ASPSCR1: variants seen among roughly 807,000 people sequenced by gnomAD.
The protein encoded by ASPSCR1 is ASPSCR1 tether for SLC2A4, UBX domain containing, also known as tether containing UBX domain for GLUT4.
In ASPSCR1, 55 loss-of-function variants were observed where a neutral mutation model predicts 68.9. That is an observed-to-expected ratio of 0.80 (90% CI 0.64 to 1.00). The LOEUF is 1.00. Among genes scored for constraint, ASPSCR1 ranks in the 50% least tolerant of loss-of-function variants. The pLI is 0.00. For synonymous variants in ASPSCR1, 352 were observed against 332.6 expected (o/e 1.06, Z -0.63); for missense variants, 765 against 762.2 (o/e 1.00, Z -0.04).
intron 3 of ASPSCR1, among the ~76,000 whole-genome samples, chr17:81,984,840 C>A (rs2041916481): frequency 7.0e-6 from 1 of 142,764 alleles, no homozygotes. Flanking sequence ...CCCACACACC[C>A]CTGCACACAC....
intron 5 of ASPSCR1, chr17:81,995,105 C>T: frequency 1.9e-6 from 1 of 539,080 alleles, no homozygotes; most frequent in Non-Finnish European, 3.3e-6. Flanking sequence ...TCTCAAAGCC[C>T]AAGAGTCACA....
In ASPSCR1 at chr17:81,990,194, A is replaced by G. The variant is rs1358388918; in HGVS notation, c.374+4587A>G. On this transcript the variant is annotated intron_variant, in intron 4 of 15. Coordinates refer to ENST00000306739, the MANE Select transcript of ASPSCR1 (RefSeq NM_024083.4). The surrounding 1 kb of genome is among the most constrained non-coding windows in gnomAD (Gnocchi z 4.1). ...AATACGACTTCCTGGACACGTAGTC[A>G]GTAGAAAAGTGAGCCGTCTCATGCT... Among the ~76,000 whole-genome samples, 2 of 152,232 alleles carry G rather than the reference A, an allele frequency of 1.3e-5. No individual in the cohort carries two copies. The highest frequency in any genetic ancestry group is 4.8e-5 in the African/African-American group (2 of 41,460).
At chr17:82,001,381 C>G (rs1181785590) in intron 7 of ASPSCR1, among the ~76,000 whole-genome samples, 1 of 152,178 alleles carries the variant, frequency 6.6e-6, no homozygotes, top group Non-Finnish European at 1.5e-5. Context: ...CAGGGTGGCC[C>G]AGGTCCCTGC....
Position 81,979,162 on chromosome 17 carries a change from C to T in ASPSCR1, c.103-22C>T, listed in dbSNP as rs1280193889. ...CAGCCCTGCACACTCAGCAGTTCACCATCCTTTCATCTCACCCCCAGGTTC... is the reference window on the plus strand; with the variant it reads ...CAGCCCTGCACACTCAGCAGTTCACTATCCTTTCATCTCACCCCCAGGTTC... On this transcript the variant is annotated intron_variant, in intron 1 of 15. Coordinates refer to ENST00000306739, the MANE Select transcript of ASPSCR1 (RefSeq NM_024083.4). The T allele has an allele frequency of 8.1e-6, 13 of 1,613,642 alleles. No homozygotes were observed. In the Admixed American group the frequency reaches 1.8e-4, roughly 23 times the overall value.
intron 3 of ASPSCR1, among the ~76,000 whole-genome samples, chr17:81,984,896 C>CA (rs2041923046): frequency 5.1e-5 from 6 of 116,714 alleles, no homozygotes; most frequent in African/African-American, 2.0e-4. Context: ...CCCACACACA[C>CA]CCACACACAC....
Position 81,996,732 on chromosome 17 carries a change from C to G in ASPSCR1, c.819C>G (p.Leu273=). 7 of 1,613,546 alleles carry G rather than the reference C, an allele frequency of 4.3e-6. No individual in the cohort carries two copies. Among genetic ancestry groups the G allele is most frequent in the African/African-American group, 1.3e-5 (1 of 75,068 alleles). ...TSSSAKLPKS[L]SSPGGPSKPK... is the part of the protein sequence containing the mutation. Reference sequence around the variant, plus strand: ...CTTCAGCTAAGTTGCCGAAGTCCCTCTCCAGCCCTGGAGGCCCCTCCAAGC... The same window carrying G: ...CTTCAGCTAAGTTGCCGAAGTCCCTGTCCAGCCCTGGAGGCCCCTCCAAGC... Residue 273 remains leucine (L), a synonymous_variant, in exon 7 of 16, where the codon CTC becomes CTG. Coordinates refer to ENST00000306739, the MANE Select transcript of ASPSCR1 (RefSeq NM_024083.4).
chr17:81,983,438 T>G lies in ASPSCR1; in HGVS notation c.159-116T>G. The G allele has an allele frequency of 1.2e-6, 1 of 828,886 alleles. No individual in the cohort carries two copies. Among genetic ancestry groups the G allele is most frequent in the Non-Finnish European group, 1.9e-6 (1 of 519,076 alleles). 51.3% of individuals were successfully genotyped at this position (828,886 alleles called of 1,614,324 possible). ...GCTGTTGGGGAGCTGCCACAGGACG[T>G]GGATGGCGGGGCGTGGATGGCGGGG... On this transcript the variant is annotated intron_variant, in intron 2 of 15. Coordinates refer to ENST00000306739, the MANE Select transcript of ASPSCR1 (RefSeq NM_024083.4). The surrounding 1 kb of genome is among the most constrained non-coding windows in gnomAD (Gnocchi z 4.4).
At chr17:82,012,320 GC>G (rs2042977759) in intron 12 of ASPSCR1, 37 bp downstream of exon 12, 1 of 1,599,696 alleles carries the variant, frequency 6.3e-7, no homozygotes, top group East Asian at 2.2e-5. Flanking sequence ...GCGGGGCGGG[GC>G]CCTCCAGGGA....
At chr17:81,979,485 C>G in intron 2 of ASPSCR1, among the ~76,000 whole-genome samples, 1 of 152,216 alleles carries the variant, frequency 6.6e-6, no homozygotes, top group Admixed American at 6.5e-5. Flanking sequence ...GCATTGCTCT[C>G]TGCCTCCGAT....
chr17:82,010,981 G>A (rs868279800), intron 10 of ASPSCR1, 113 bp downstream of exon 10: 1 of 1,298,516 alleles, frequency 7.7e-7, no homozygotes, highest in Middle Eastern at 2.6e-4. Context: ...GGGCTCCAGG[G>A]CACTGGGTGG....
chr17:81,985,474 C>T (rs968078474), intron 3 of ASPSCR1, 33 bp from the exon 4 acceptor site: 16 of 1,601,006 alleles, frequency 1.0e-5, no homozygotes, highest in African/African-American at 2.7e-5. Context: ...GCTTTTCTTC[C>T]TAAGGAAGTT....
chr17:82,011,291 G>A (rs991837007), intron 10 of ASPSCR1, among the ~76,000 whole-genome samples: 28 of 151,626 alleles, frequency 1.8e-4, no homozygotes, highest in African/African-American at 6.8e-4. Context: ...AAGCGCTTAG[G>A]CTGGGGCGGG....
At chr17:81,995,173 C>A (rs1481512777) in intron 5 of ASPSCR1, 1 of 487,254 alleles carries the variant, frequency 2.1e-6, no homozygotes, top group Non-Finnish European at 3.6e-6. Context: ...ATTTTCAAAA[C>A]CGAGTGTGGC....
intron 7 of ASPSCR1, among the ~76,000 whole-genome samples, chr17:81,998,312 C>T (rs2144051204): frequency 6.6e-6 from 1 of 152,248 alleles, no homozygotes; most frequent in South Asian, 2.1e-4. Context: ...TATCATGCTT[C>T]CTGTTACATC....
At chr17:82,016,329 G>A (rs1281039553) in intron 12 of ASPSCR1, 147 bp from the exon 13 acceptor site, 9 of 708,582 alleles carry the variant, frequency 1.3e-5, no homozygotes, top group African/African-American at 5.4e-5. Flanking sequence ...TGTCAGACAG[G>A]AAGCTGGGCG....
chr17:81,995,902 G>C, intron 5 of ASPSCR1, 90 bp from the exon 6 acceptor site: 1 of 1,308,554 alleles, frequency 7.6e-7, no homozygotes, highest in Non-Finnish European at 1.1e-6. Context: ...CACGTGGCCT[G>C]TGGTCCTGGT....
At chr17:82,011,285 G>C (rs1404056477) in intron 10 of ASPSCR1, among the ~76,000 whole-genome samples, 10 of 149,276 alleles carry the variant, frequency 6.7e-5, no homozygotes, top group Non-Finnish European at 1.2e-4. Flanking sequence ...AAAGGGAAGC[G>C]CTTAGGCTGG....
At position 81,985,263 on chromosome 17, in the gene ASPSCR1, C is replaced by T. The variant is rs57407294; in HGVS notation, c.274-244C>T. On this transcript the variant is annotated intron_variant, in intron 3 of 15. Coordinates refer to ENST00000306739, the MANE Select transcript of ASPSCR1 (RefSeq NM_024083.4). Reference sequence around the variant, plus strand: ...CCACACACACATATGCACACACGCACGCACACCTGCACATACCTGCACACT... The same window carrying T: ...CCACACACACATATGCACACACGCATGCACACCTGCACATACCTGCACACT... Among the ~76,000 whole-genome samples the T allele has an allele frequency of 4.4e-3, 664 of 152,226 alleles. 3 individuals are homozygous for T. Among genetic ancestry groups the T allele is most frequent in the African/African-American group, 0.015 (631 of 41,520 alleles).
At chr17:82,005,969 T>G (rs1485902607) in intron 7 of ASPSCR1, 4 of 152,378 alleles carry the variant, frequency 2.6e-5, no homozygotes, top group African/African-American at 9.6e-5. Flanking sequence ...ACAAGAGTCC[T>G]TCTCTCAGCA....
Sources: gnomAD v4.1 joint callset for allele counts (sites outside exome capture counted in the v4.1 genomes callset) on GRCh38, gnomAD v4.1.1 for gene constraint, Gnocchi (gnomAD v3.1) non-coding constraint, MANE v1.5 for transcripts, NCBI Gene and HGNC (gene_info 2026-07-23, HGNC 2026-07-21) for gene names.